The following SYNE3 variants were observed in gnomAD, a reference collection of about 807,000 sequenced individuals.
SYNE3 encodes spectrin repeat containing nuclear envelope family member 3, also known as nesprin-3.
A neutral mutation model predicts 111.2 loss-of-function variants in SYNE3; 100 were observed. The observed-to-expected ratio is 0.90, with a 90% CI of 0.77 to 1.06. The LOEUF is 1.06. Ranked by LOEUF, SYNE3 falls within the 50% of genes least tolerant of loss-of-function variation. SYNE3 has a pLI of 0.00. For missense variants in SYNE3, 1,160 were observed against 1,240.3 expected, an observed-to-expected ratio of 0.94 and a Z score of 0.97; for synonymous variants, 547 against 533.9, an observed-to-expected ratio of 1.02 and a Z score of -0.34.
At chr14:95,509,499 G>T (rs1317028531) in intron 1 of SYNE3, among the ~76,000 whole-genome samples, 10 of 152,152 alleles carry the variant, frequency 6.6e-5, no homozygotes, top group Admixed American at 5.9e-4. Flanking sequence ...TTGAGGCTGT[G>T]GTCCTTGAAT....
At chr14:95,451,919 A>C in intron 7 of SYNE3, 1 of 180,360 alleles carries the variant, frequency 5.5e-6, no homozygotes, top group Non-Finnish European at 1.1e-5. Flanking sequence ...AGGCAGGGGA[A>C]TGGAGTCTGT....
rs920406187 is a variant in SYNE3, at chr14:95,407,328, T to C, written c.*10498A>G. 6.6e-6 allele frequency: 1 copy of C among 152,108 alleles called. No homozygotes were observed. The highest frequency in any genetic ancestry group is 1.5e-5 in the Non-Finnish European group (1 of 68,008). The allele number at this position is 152,108 out of a possible 1,614,324, so 9.4% of individuals were successfully genotyped here. A position where few individuals can be genotyped will look rare whatever the true frequency, so the allele number is the denominator to read the frequency against. Reference sequence around the variant, plus strand: ...CAAAGCAGATACATTTTTAAAAACATAAAACAACAGCAAAAACGTCAAACC... The same window carrying C: ...CAAAGCAGATACATTTTTAAAAACACAAAACAACAGCAAAAACGTCAAACC... On this transcript the variant is annotated 3_prime_UTR_variant, in exon 18 of 18. Coordinates refer to ENST00000682763, the MANE Select transcript of SYNE3 (RefSeq NM_152592.6).
intron 1 of SYNE3, among the ~76,000 whole-genome samples, chr14:95,505,834 G>C (rs758982560): frequency 9.9e-5 from 15 of 152,212 alleles, no homozygotes; most frequent in South Asian, 2.1e-4. Flanking sequence ...TAGAGACAGA[G>C]AGAGGCTAGT....
chr14:95,431,741 C>T (rs1288861033), intron 17 of SYNE3, among the ~76,000 whole-genome samples: 1 of 152,368 alleles, frequency 6.6e-6, no homozygotes, highest in Non-Finnish European at 1.5e-5. Flanking sequence ...TCCCGGTTCA[C>T]ACCTGCTGTC....
In SYNE3 at chr14:95,475,800, C is replaced by T. The variant is rs796225617; in HGVS notation, c.22G>A (p.Asp8Asn). The T allele has an allele frequency of 1.4e-5, 22 of 1,575,348 alleles. No homozygotes were observed. Among genetic ancestry groups the T allele is most frequent in the South Asian group, 8.2e-5 (7 of 84,912 alleles). The change falls in exon 2 of 18, where the codon GAC becomes AAC. Residue 8 changes from aspartate to asparagine, a missense_variant. Asp to Asn is a conservative substitution (Grantham distance 23). Transcript: ENST00000682763. MTQQPQD[D>N]FDRSVEDAQA... ...GCATCCTCCACGCTCCTGTCAAAGT[C>T]GTCCTGGGGCTGCTGAGTCATGGCA...
At chr14:95,496,290 A>G (rs737076) in intron 1 of SYNE3, among the ~76,000 whole-genome samples, 98,708 of 152,140 alleles carry the variant, frequency 0.65, 32,611 homozygotes, top group African/African-American at 0.78. Context: ...ACAAAGCTCA[A>G]TGTCTCTTTC....
At chr14:95,466,362 C>T in intron 3 of SYNE3, 122 bp from the exon 4 acceptor site, 1 of 1,177,498 alleles carries the variant, frequency 8.5e-7, no homozygotes, top group Non-Finnish European at 1.2e-6. Context: ...TGATGATGCC[C>T]TTTCTGGCCT....
chr14:95,497,630 T>C (rs142828068), intron 1 of SYNE3, among the ~76,000 whole-genome samples: 224 of 152,264 alleles, frequency 1.5e-3, no homozygotes, highest in African/African-American at 5.2e-3. Flanking sequence ...TGGCAGACTG[T>C]TTCTGGAGAC....
In SYNE3 at chr14:95,425,750, G is replaced by T. The variant is rs1045335968; in HGVS notation, c.2727+6329C>A. On this transcript the variant is annotated intron_variant, in intron 17 of 17. Transcript: ENST00000682763. ...ATTCTGCTCAATTTTTCTATAAACCGAAAGCTGCTCAAAAACGAAAGTCTA... is the reference window on the plus strand; with the variant it reads ...ATTCTGCTCAATTTTTCTATAAACCTAAAGCTGCTCAAAAACGAAAGTCTA... Among the ~76,000 whole-genome samples the T allele has an allele frequency of 2.0e-5, 3 of 152,170 alleles. No individual in the cohort carries two copies. In the East Asian group the frequency reaches 5.8e-4, roughly 29 times the overall value.
chr14:95,454,807 GCTT>G (rs1887307894), intron 6 of SYNE3, among the ~76,000 whole-genome samples: 1 of 152,172 alleles, frequency 6.6e-6, no homozygotes, highest in Admixed American at 6.5e-5. Flanking sequence ...GAGGGCCGTT[GCTT>G]CTTATTTTAA....
At chr14:95,420,711 AACAC>A (rs1009627085) in intron 17 of SYNE3, among the ~76,000 whole-genome samples, 4 of 150,784 alleles carry the variant, frequency 2.7e-5, no homozygotes, top group Admixed American at 2.0e-4. Flanking sequence ...TGCTTAGGAA[AACAC>A]ACACACACAC....
intron 4 of SYNE3, 66 bp from the exon 5 acceptor site, chr14:95,457,404 C>T: frequency 6.4e-7 from 1 of 1,570,398 alleles, no homozygotes; most frequent in Non-Finnish European, 8.6e-7. Flanking sequence ...GGCCAGAAAG[C>T]CCGTAGCCTG....
intron 9 of SYNE3, among the ~76,000 whole-genome samples, chr14:95,445,547 G>A (rs1483277780): frequency 6.6e-6 from 1 of 152,230 alleles, no homozygotes; most frequent in Admixed American, 6.5e-5. Flanking sequence ...TCACTAATAT[G>A]AGCTTCCAGC....
chr14:95,466,355 T>C, intron 3 of SYNE3, 115 bp from the exon 4 acceptor site: 4 of 1,266,422 alleles, frequency 3.2e-6, no homozygotes, highest in Non-Finnish European at 3.2e-6. Context: ...GGGGGCATGA[T>C]GATGCCCTTT....
At chr14:95,483,748 A>G (rs992280439) in intron 1 of SYNE3, among the ~76,000 whole-genome samples, 9 of 152,218 alleles carry the variant, frequency 5.9e-5, no homozygotes, top group Non-Finnish European at 1.0e-4. Context: ...ATTCCGCCTT[A>G]GAGGTGAGCA....
At chr14:95,449,546 G>A (rs1330410913) in intron 8 of SYNE3, 1 of 985,368 alleles carries the variant, frequency 1.0e-6, no homozygotes, top group East Asian at 1.1e-4. Flanking sequence ...CTGTGGCCTG[G>A]CACCCTGGAC....
At chr14:95,444,734 T>A in intron 9 of SYNE3, 106 bp from the exon 10 acceptor site, 1 of 1,395,494 alleles carries the variant, frequency 7.2e-7, no homozygotes, top group South Asian at 1.6e-5. Context: ...GGCCAGCTCA[T>A]GCTCATTCAG....
At chr14:95,496,383 T>C (rs113770229) in intron 1 of SYNE3, among the ~76,000 whole-genome samples, 1,600 of 152,338 alleles carry the variant, frequency 0.011, 28 homozygotes, top group African/African-American at 0.036. Context: ...CCAGTCTCTC[T>C]AACATGGCAT....
chr14:95,464,855 C>T (rs150450830), intron 4 of SYNE3, among the ~76,000 whole-genome samples: 55 of 152,328 alleles, frequency 3.6e-4, no homozygotes, highest in Non-Finnish European at 6.5e-4. Flanking sequence ...CAGCCTTAGA[C>T]CTGGAACCTC....
Sources: allele counts gnomAD v4.1 joint callset (sites outside exome capture counted in the v4.1 genomes callset), GRCh38; gene constraint gnomAD v4.1.1; transcripts MANE v1.5; gene names NCBI Gene and HGNC (gene_info 2026-07-23, HGNC 2026-07-21).